Variants in CCSER1 observed in about 807,000 individuals in gnomAD.
CCSER1 encodes coiled-coil serine rich protein 1.
A neutral mutation model predicts 82.0 loss-of-function variants in CCSER1; 41 were observed. The ratio of observed to expected loss-of-function variants is 0.50; its 90% CI spans 0.39 to 0.65. CCSER1 has a LOEUF of 0.65. Among genes scored for constraint, CCSER1 ranks in the 30% least tolerant of loss-of-function variants. CCSER1 has a pLI of 0.00. For synonymous variants in CCSER1, 414 were observed against 383.9 expected (o/e 1.08, Z -0.92); for missense variants, 1,119 against 1,064.2 (o/e 1.05, Z -0.72).
intron 3 of CCSER1, among the ~76,000 whole-genome samples, chr4:90,387,849 C>A (rs1199008099): frequency 1.3e-5 from 2 of 152,106 alleles, no homozygotes; most frequent in Non-Finnish European, 2.9e-5. Context: ...TTTATCTGTA[C>A]CCTACCTCCA....
intron 9 of CCSER1, among the ~76,000 whole-genome samples, chr4:91,083,950 G>A (rs1021652537): frequency 7.2e-5 from 11 of 152,116 alleles, no homozygotes; most frequent in African/African-American, 2.7e-4. Flanking sequence ...AAAGATGTAA[G>A]GCCAATGTTT....
intron 10 of CCSER1, among the ~76,000 whole-genome samples, chr4:91,455,423 T>G (rs1358367365): frequency 6.6e-6 from 1 of 151,916 alleles, no homozygotes; most frequent in African/African-American, 2.4e-5. Flanking sequence ...AGGAATAGGA[T>G]TGAGATTAGT....
chr4:90,345,952 A>G (rs568805093), intron 3 of CCSER1, among the ~76,000 whole-genome samples: 15 of 152,098 alleles, frequency 9.9e-5, no homozygotes, highest in African/African-American at 3.6e-4. Flanking sequence ...TTTTGGCTCT[A>G]CCTGTCTTCA....
intron 7 of CCSER1, among the ~76,000 whole-genome samples, chr4:90,793,250 G>T (rs1315529482): frequency 6.6e-6 from 1 of 151,864 alleles, no homozygotes. Flanking sequence ...TTGTGTCATG[G>T]GCATTTATGG....
intron 5 of CCSER1, among the ~76,000 whole-genome samples, chr4:90,583,386 G>A (rs568935103): frequency 6.6e-6 from 1 of 151,952 alleles, no homozygotes; most frequent in Non-Finnish European, 1.5e-5. Context: ...GGTTGGCCTC[G>A]AACTCCTGAC....
At chr4:91,025,233 G>C (rs1348977858) in intron 9 of CCSER1, among the ~76,000 whole-genome samples, 3 of 152,020 alleles carry the variant, frequency 2.0e-5, no homozygotes, top group African/African-American at 4.8e-5. Context: ...TTAAAAAATG[G>C]AAAGATAGGA....
At chr4:90,479,030 C>A (rs575331736) in intron 5 of CCSER1, among the ~76,000 whole-genome samples, 1 of 152,006 alleles carries the variant, frequency 6.6e-6, no homozygotes, top group African/African-American at 2.4e-5. Flanking sequence ...TGAGCCCCCA[C>A]GCGGGCCTGT....
At chr4:90,639,846 T>G (rs1726153969) in intron 6 of CCSER1, among the ~76,000 whole-genome samples, 1 of 152,104 alleles carries the variant, frequency 6.6e-6, no homozygotes. Flanking sequence ...TGTCTGTACA[T>G]CCAGCAAGAT....
At chr4:91,245,717 A>G (rs374576136) in intron 10 of CCSER1, among the ~76,000 whole-genome samples, 2 of 151,936 alleles carry the variant, frequency 1.3e-5, no homozygotes, top group East Asian at 1.9e-4. Flanking sequence ...TTTGTTTGAG[A>G]TGGAGTTTCG....
intron 10 of CCSER1, among the ~76,000 whole-genome samples, chr4:91,424,781 G>C (rs1459850546): frequency 6.6e-6 from 1 of 152,056 alleles, no homozygotes; most frequent in East Asian, 1.9e-4. Context: ...TTTTACAGAA[G>C]TAAATGTAAT....
rs572989965 is a variant in CCSER1 at position 91,182,274 on chromosome 4, G to A, written c.2217+96280G>A. 7.9e-5 allele frequency among the ~76,000 whole-genome samples: 12 copies of A among 152,204 alleles called. No individual in the cohort carries two copies. In the South Asian group the frequency reaches 1.9e-3, roughly 24 times the overall value. On this transcript the variant is annotated intron_variant, in intron 10 of 10. Transcript: ENST00000509176. Reference sequence around the variant, plus strand: ...GTATCCAAATTGGCTGTTGATTTTGGCCTGGAGAAATACAAGCATAATCTC... The same window carrying A: ...GTATCCAAATTGGCTGTTGATTTTGACCTGGAGAAATACAAGCATAATCTC...
At chr4:91,321,936 C>G (rs1186022209) in intron 10 of CCSER1, among the ~76,000 whole-genome samples, 1 of 152,036 alleles carries the variant, frequency 6.6e-6, no homozygotes, top group Non-Finnish European at 1.5e-5. Flanking sequence ...TAACATCAGT[C>G]TTTGTCACAA....
chr4:90,537,827 C>A (rs756856775), intron 5 of CCSER1, among the ~76,000 whole-genome samples: 2 of 151,950 alleles, frequency 1.3e-5, no homozygotes, highest in Non-Finnish European at 2.9e-5. Context: ...GATTGTTAAC[C>A]CTCCAGTTTT....
intron 7 of CCSER1, among the ~76,000 whole-genome samples, chr4:90,761,285 T>C (rs1445685345): frequency 6.6e-6 from 1 of 152,140 alleles, no homozygotes; most frequent in Non-Finnish European, 1.5e-5. Context: ...AAAAACACAA[T>C]GAGACCAACA....
chr4:90,761,121 T>G (rs1219490627), intron 7 of CCSER1, among the ~76,000 whole-genome samples: 1 of 152,152 alleles, frequency 6.6e-6, no homozygotes, highest in Non-Finnish European at 1.5e-5. Flanking sequence ...TAACAGTCAC[T>G]GATAGATGCT....
At chr4:90,602,295 T>G (rs1264614785) in intron 5 of CCSER1, among the ~76,000 whole-genome samples, 1 of 152,318 alleles carries the variant, frequency 6.6e-6, no homozygotes, top group African/African-American at 2.4e-5. Context: ...TAATATTCCT[T>G]GAATGTATTT....
chr4:90,163,963 C>T (rs1160870199), intron 1 of CCSER1, among the ~76,000 whole-genome samples: 1 of 152,114 alleles, frequency 6.6e-6, no homozygotes, highest in East Asian at 1.9e-4. Flanking sequence ...CTGCTAGATA[C>T]CTCCTTTTGG....
chr4:90,276,087 T>G (rs1181132491), intron 1 of CCSER1, among the ~76,000 whole-genome samples: 1 of 152,128 alleles, frequency 6.6e-6, no homozygotes, highest in African/African-American at 2.4e-5. Flanking sequence ...GCCCACAACC[T>G]GACATATCTT....
At chr4:90,368,031 AATC>A (rs2153522530) in intron 3 of CCSER1, among the ~76,000 whole-genome samples, 1 of 152,140 alleles carries the variant, frequency 6.6e-6, no homozygotes, top group African/African-American at 2.4e-5. Context: ...AATAATAAAT[AATC>A]ATAAAAACTT....
Sources: allele counts gnomAD v4.1 joint callset (sites outside exome capture counted in the v4.1 genomes callset), GRCh38; gene constraint gnomAD v4.1.1; transcripts MANE v1.5; gene names NCBI Gene and HGNC (gene_info 2026-07-23, HGNC 2026-07-21).